Variants in PPFIBP2 observed in about 807,000 individuals in gnomAD.
PPFIBP2 encodes the protein liprin-beta-2.
A neutral mutation model predicts 118.3 loss-of-function variants in PPFIBP2; 118 were observed. The ratio of observed to expected loss-of-function variants is 1.00; its 90% CI spans 0.86 to 1.16. The LOEUF is 1.16. PPFIBP2 is among the 50% of genes most tolerant of loss of function. The pLI is 0.00. For synonymous variants in PPFIBP2, 414 were observed against 397.4 expected (o/e 1.04, Z -0.50); for missense variants, 1,195 against 1,073.1 (o/e 1.11, Z -1.59).
intron 18 of PPFIBP2, 43 bp downstream of exon 18, chr11:7,648,580 A>G: frequency 6.2e-7 from 1 of 1,608,372 alleles, no homozygotes; most frequent in South Asian, 1.1e-5. Flanking sequence ...ATTTCTCCCC[A>G]AAGCATGGGG....
At chr11:7,529,988 T>C (rs1850557157) in intron 1 of PPFIBP2, among the ~76,000 whole-genome samples, 1 of 152,194 alleles carries the variant, frequency 6.6e-6, no homozygotes, top group African/African-American at 2.4e-5. Context: ...GTCTGCCACT[T>C]TGGGGGCTAC....
At chr11:7,602,340 C>A (rs938355693) in intron 5 of PPFIBP2, among the ~76,000 whole-genome samples, 4 of 152,118 alleles carry the variant, frequency 2.6e-5, no homozygotes, top group African/African-American at 4.8e-5. Flanking sequence ...CTTGTGACTG[C>A]CTCAAACTAT....
intron 15 of PPFIBP2, chr11:7,640,964 C>T: frequency 8.6e-7 from 1 of 1,162,858 alleles, no homozygotes; most frequent in Non-Finnish European, 1.1e-6. Context: ...TTCCCCGTAA[C>T]TCTGTTGGGC....
intron 3 of PPFIBP2, among the ~76,000 whole-genome samples, chr11:7,579,109 GT>G (rs2134977601): frequency 6.6e-6 from 1 of 152,272 alleles, no homozygotes; most frequent in African/African-American, 2.4e-5. Flanking sequence ...GGTAAGCTAT[GT>G]TGGGAAAAGT....
the PPFIBP2 span, chr11:7,665,262 G>A: frequency 2.9e-5 from 27 of 931,668 alleles, no homozygotes; most frequent in African/African-American, 1.8e-4. Context: ...GTGTGTGCGC[G>A]AAGGTACATG....
chr11:7,538,652 T>TCAGCAGAACTAGGCTC (rs1467326085), intron 1 of PPFIBP2, among the ~76,000 whole-genome samples: 4 of 152,318 alleles, frequency 2.6e-5, no homozygotes, highest in African/African-American at 9.6e-5. Flanking sequence ...TCCAGTGGGT[T>TCAGCAGAACTAGGCTC]CAGCAGAACT....
intron 9 of PPFIBP2, 84 bp downstream of exon 9, chr11:7,628,430 G>A: frequency 7.9e-7 from 1 of 1,267,414 alleles, no homozygotes; most frequent in East Asian, 2.3e-5. Context: ...TGATATTCTG[G>A]ACAGGACCAT....
rs1853589501 is a variant in PPFIBP2 at position 7,649,143 on chromosome 11, G to A, written c.1910-4G>A. On this transcript the variant is annotated splice_region_variant and splice_polypyrimidine_tract_variant and intron_variant, in intron 19 of 23. Transcript: ENST00000299492. ...TGACACATCTGGGGTTTTTGTATTTGTAGGGTGGCTTGATGATATTGGCTT... is the reference window on the plus strand; with the variant it reads ...TGACACATCTGGGGTTTTTGTATTTATAGGGTGGCTTGATGATATTGGCTT... The A allele has an allele frequency of 2.5e-6, 4 of 1,613,004 alleles. No homozygotes were observed. Among genetic ancestry groups the A allele is most frequent in the Non-Finnish European group, 8.5e-7 (1 of 1,179,428 alleles).
Position 7,653,464 on chromosome 11 carries a change from C to A in PPFIBP2, c.*246C>A, listed in dbSNP as rs759980176. 9 of 1,489,352 alleles carry A rather than the reference C, an allele frequency of 6.0e-6. No individual in the cohort carries two copies. The South Asian group carries it at 8.5e-5, about 14-fold the overall frequency. 92.3% of individuals were successfully genotyped at this position (1,489,352 alleles called of 1,614,324 possible). On this transcript the variant is annotated 3_prime_UTR_variant, in exon 24 of 24. Transcript: ENST00000299492. ...TCAGGAGGAAAGACACTTAAAGACA[C>A]TTTTACATGTCTAGTAATTCTTGAT...
chr11:7,526,368 G>A (rs553678072), intron 1 of PPFIBP2, among the ~76,000 whole-genome samples: 1 of 152,232 alleles, frequency 6.6e-6, no homozygotes, highest in East Asian at 1.9e-4. Context: ...GAAATAATAA[G>A]GAAACCAGCT....
rs913057641 is a variant in PPFIBP2 at position 7,516,648 on chromosome 11, G to T, written c.-37+2527G>T. Reference sequence around the variant, plus strand: ...AGCACCAAGTGAGGACGAGGCAGGGGTTTTATAGTTTCCTGTAAACAAGAA... The same window carrying T: ...AGCACCAAGTGAGGACGAGGCAGGGTTTTTATAGTTTCCTGTAAACAAGAA... On this transcript the variant is annotated intron_variant, in intron 1 of 23. Transcript: ENST00000299492. Among the ~76,000 whole-genome samples the T allele has an allele frequency of 1.2e-4, 19 of 152,310 alleles. 1 individual carries two copies. Among genetic ancestry groups the T allele is most frequent in the African/African-American group, 4.3e-4 (18 of 41,562 alleles).
At chr11:7,604,534 C>T (rs1469655741) in intron 5 of PPFIBP2, among the ~76,000 whole-genome samples, 1 of 149,706 alleles carries the variant, frequency 6.7e-6, no homozygotes, top group Non-Finnish European at 1.5e-5. Flanking sequence ...CACACACCTA[C>T]TCACCCAGCC....
chr11:7,535,705 T>C (rs960214696), intron 1 of PPFIBP2, among the ~76,000 whole-genome samples: 2 of 152,222 alleles, frequency 1.3e-5, no homozygotes, highest in Admixed American at 6.5e-5. Context: ...GGATGCCAGC[T>C]CATGCGTTCA....
In PPFIBP2 at chr11:7,649,641, G is replaced by A. The variant is rs774772517; in HGVS notation, c.2108G>A (p.Arg703Gln). ...NKFNPHCLHR[R>Q]PADESNLSPS... is the part of the protein sequence containing the mutation. ...TTCAACCCCCACTGCCTGCACCGGC[G>A]GCCAGCTGATGAGGTGAGACCACAA... Residue 703 changes from arginine (R) to glutamine (Q), a missense_variant, in exon 21 of 24, where the codon CGG becomes CAG. Coordinates refer to ENST00000299492, the MANE Select transcript of PPFIBP2 (RefSeq NM_003621.5). The A allele has an allele frequency of 1.4e-5, 23 of 1,614,094 alleles. No homozygotes were observed. Among genetic ancestry groups the A allele is most frequent in the African/African-American group, 1.3e-4 (10 of 74,942 alleles).
chr11:7,546,176 A>G lies in PPFIBP2; in HGVS notation c.-36-3264A>G, dbSNP rs559820599. Reference sequence around the variant, plus strand: ...TCTGTGTTGTCAGAAACTACACATCAGCTCCTAGGATTCTTATGAAAGCAC... The same window carrying G: ...TCTGTGTTGTCAGAAACTACACATCGGCTCCTAGGATTCTTATGAAAGCAC... On this transcript the variant is annotated intron_variant, in intron 1 of 23. Coordinates refer to ENST00000299492, the MANE Select transcript of PPFIBP2 (RefSeq NM_003621.5). 2.4e-4 allele frequency among the ~76,000 whole-genome samples: 37 copies of G among 152,278 alleles called. No homozygotes were observed. The South Asian group carries it at 7.7e-3, about 32-fold the overall frequency.
At chr11:7,527,063 G>A (rs1850292522) in intron 1 of PPFIBP2, among the ~76,000 whole-genome samples, 1 of 150,438 alleles carries the variant, frequency 6.6e-6, no homozygotes, top group South Asian at 2.1e-4. Flanking sequence ...GATCCAGGAG[G>A]ACACTGGTCA....
At chr11:7,533,500 A>G (rs1850939449) in intron 1 of PPFIBP2, among the ~76,000 whole-genome samples, 1 of 152,250 alleles carries the variant, frequency 6.6e-6, no homozygotes. Flanking sequence ...TAATCTAGAC[A>G]GGGAGGCAGA....
At chr11:7,586,152 G>C (rs186003261) in intron 3 of PPFIBP2, among the ~76,000 whole-genome samples, 1 of 152,196 alleles carries the variant, frequency 6.6e-6, no homozygotes, top group African/African-American at 2.4e-5. Flanking sequence ...CTTTCTTTTT[G>C]TTTTGTTTTT....
At chr11:7,659,283 A>G (rs1854839876), downstream of PPFIBP2, among the ~76,000 whole-genome samples, 1 of 150,036 alleles carries the variant, frequency 6.7e-6, no homozygotes, top group South Asian at 2.1e-4. Flanking sequence ...TTTAGGTCTA[A>G]CCTTTAAGTC....
Sources: allele counts gnomAD v4.1 joint callset (sites outside exome capture counted in the v4.1 genomes callset), GRCh38; gene constraint gnomAD v4.1.1; transcripts MANE v1.5; gene names NCBI Gene and HGNC (gene_info 2026-07-23, HGNC 2026-07-21).